MRTFB: variants seen among roughly 807,000 people sequenced by gnomAD.
MRTFB encodes the protein myocardin-related transcription factor B.
In MRTFB, 29 loss-of-function variants were observed where a neutral mutation model predicts 104.2. The ratio of observed to expected loss-of-function variants is 0.28; its 90% CI spans 0.21 to 0.38. The LOEUF (loss-of-function observed/expected upper bound fraction) is 0.38, where lower values mean the gene tolerates loss of function less well. Ranked by LOEUF, MRTFB falls within the 10% of genes least tolerant of loss-of-function variation. The pLI is 1.00. For synonymous variants in MRTFB, 535 were observed against 519.5 expected (o/e 1.03, Z -0.41); for missense variants, 1,270 against 1,341.6 (o/e 0.95, Z 0.83).
the MRTFB span, among the ~76,000 whole-genome samples, chr16:14,034,429 C>G: frequency 6.6e-6 from 1 of 152,122 alleles, no homozygotes; most frequent in African/African-American, 2.4e-5. Context: ...GTGTGGCCAA[C>G]ATGGCGAAAC....
At chr16:14,152,791 G>A (rs999795149) in intron 3 of MRTFB, 2 of 152,082 alleles carry the variant, frequency 1.3e-5, no homozygotes, top group Admixed American at 6.6e-5. Flanking sequence ...TTTTTGTATG[G>A]TTTGTTTCCT....
At chr16:14,080,576 A>G (rs1267286201) in intron 2 of MRTFB, among the ~76,000 whole-genome samples, 1 of 152,228 alleles carries the variant, frequency 6.6e-6, no homozygotes. Context: ...GCTGTACAAT[A>G]GATCTCTTTG....
rs1182185343 is a variant in MRTFB, at chr16:14,266,685, A to C, written c.*5241A>C. On this transcript the variant is annotated 3_prime_UTR_variant, in exon 17 of 17. Transcript: ENST00000571589. ...ACATTTATCATCAGATCTTTTGTAC[A>C]TAGTGGCAGTATTGTAGCTGATCGG... 1.3e-5 allele frequency: 2 copies of C among 152,260 alleles called. No individual in the cohort carries two copies. The highest frequency in any genetic ancestry group is 3.8e-4 in the East Asian group (2 of 5,204). 9.4% of individuals were successfully genotyped at this position (152,260 alleles called of 1,614,324 possible).
At chr16:14,056,176 G>A in the MRTFB span, among the ~76,000 whole-genome samples, 1 of 151,850 alleles carries the variant, frequency 6.6e-6, no homozygotes, top group African/African-American at 2.4e-5. Context: ...ACAGGGTTTC[G>A]TCATGTTCGC....
At chr16:14,023,934 C>G in the MRTFB span, among the ~76,000 whole-genome samples, 1 of 151,950 alleles carries the variant, frequency 6.6e-6, no homozygotes, top group South Asian at 2.1e-4. Context: ...ACCTGTAATC[C>G]CAGCTACTTG....
chr16:14,227,036 T>TA (rs1337276948), intron 8 of MRTFB, among the ~76,000 whole-genome samples: 1 of 150,882 alleles, frequency 6.6e-6, no homozygotes, highest in Non-Finnish European at 1.5e-5. Flanking sequence ...ATCAACAGAG[T>TA]AAAAAAGCAA....
chr16:14,064,284 A>T, the MRTFB span, among the ~76,000 whole-genome samples: 1 of 152,130 alleles, frequency 6.6e-6, no homozygotes. Context: ...TCTTTTGAAA[A>T]GTGTCTGTTC....
upstream of MRTFB, among the ~76,000 whole-genome samples, chr16:14,067,601 AG>A (rs958273432): frequency 5.9e-5 from 9 of 152,086 alleles, no homozygotes; most frequent in African/African-American, 2.2e-4. Context: ...TTGCCTATGA[AG>A]TGACTTCCAA....
At chr16:14,118,604 C>G (rs1293865525) in intron 2 of MRTFB, among the ~76,000 whole-genome samples, 1 of 151,620 alleles carries the variant, frequency 6.6e-6, no homozygotes, top group Non-Finnish European at 1.5e-5. Context: ...GAGTTCGAGA[C>G]CGGTCTGGGC....
the MRTFB span, among the ~76,000 whole-genome samples, chr16:14,003,692 A>C: frequency 1.0e-4 from 12 of 119,774 alleles, no homozygotes; most frequent in East Asian, 2.8e-4. Context: ...CTTCCTCTAC[A>C]CTTCTTTCCT....
intron 10 of MRTFB, among the ~76,000 whole-genome samples, chr16:14,242,670 G>A (rs2042825247): frequency 6.6e-6 from 1 of 152,114 alleles, no homozygotes; most frequent in South Asian, 2.1e-4. Flanking sequence ...GGTCACTGGA[G>A]GTCCCCGAAG....
intron 3 of MRTFB, among the ~76,000 whole-genome samples, chr16:14,204,274 C>T (rs1222014466): frequency 6.6e-6 from 1 of 152,154 alleles, no homozygotes; most frequent in Non-Finnish European, 1.5e-5. Context: ...CCGAGTTTGG[C>T]CTTACAGTTT....
chr16:14,244,292 C>G (rs1288935986), intron 10 of MRTFB, among the ~76,000 whole-genome samples: 2 of 152,178 alleles, frequency 1.3e-5, no homozygotes, highest in East Asian at 1.9e-4. Flanking sequence ...CCAGCTTACT[C>G]TTGATGCGTA....
the MRTFB span, among the ~76,000 whole-genome samples, chr16:14,039,760 CTTT>C: frequency 1.1e-4 from 14 of 121,916 alleles, no homozygotes; most frequent in Middle Eastern, 4.4e-3. Context: ...ATAATATGTT[CTTT>C]TTTTTTTTTT....
In MRTFB at chr16:14,240,448, A is replaced by C; in HGVS notation, c.1043A>C (p.His348Pro). ...QLQILSQQKQ[H>P]YNYQTILPAP... ...CAGATCCTGAGTCAGCAGAAGCAGCACTACAACTACCAGACCATCCTGCCT... is the reference window on the plus strand; with the variant it reads ...CAGATCCTGAGTCAGCAGAAGCAGCCCTACAACTACCAGACCATCCTGCCT... Residue 348 changes from histidine (H) to proline (P), a missense_variant, in exon 10 of 17, where the codon CAC becomes CCC. Physicochemically the swap from His to Pro is moderately conservative, Grantham distance 77 (BLOSUM62 -2). Transcript: ENST00000571589. 1 of 1,614,246 alleles carries C rather than the reference A, an allele frequency of 6.2e-7. No homozygotes were observed. The highest frequency in any genetic ancestry group is 1.1e-5 in the South Asian group (1 of 91,082).
the MRTFB span, among the ~76,000 whole-genome samples, chr16:14,032,404 C>T: frequency 6.6e-6 from 1 of 152,238 alleles, no homozygotes. Flanking sequence ...GGCATGTAAG[C>T]TCCACTCCGT....
At chr16:14,071,656 A>G (rs1038934814) in intron 1 of MRTFB, among the ~76,000 whole-genome samples, 13 of 151,954 alleles carry the variant, frequency 8.6e-5, no homozygotes, top group African/African-American at 2.9e-4. Flanking sequence ...CCCTGCTGAC[A>G]GTGGCAGCGG....
chr16:14,027,716 A>C, the MRTFB span, among the ~76,000 whole-genome samples: 1 of 152,184 alleles, frequency 6.6e-6, no homozygotes, highest in Non-Finnish European at 1.5e-5. Context: ...AACTACTTCA[A>C]ATTTTAAGTT....
intron 1 of MRTFB, among the ~76,000 whole-genome samples, chr16:14,075,890 A>G (rs1344710737): frequency 6.6e-6 from 1 of 152,170 alleles, no homozygotes; most frequent in Non-Finnish European, 1.5e-5. Flanking sequence ...TGCTTTTAAC[A>G]TTTACAAATT....
Sources: gnomAD v4.1 joint callset for allele counts (sites outside exome capture counted in the v4.1 genomes callset) on GRCh38, gnomAD v4.1.1 for gene constraint, MANE v1.5 for transcripts, NCBI Gene and HGNC (gene_info 2026-07-23, HGNC 2026-07-21) for gene names.